GARS1: variants seen among roughly 807,000 people sequenced by gnomAD.
GARS1 encodes glycyl-tRNA synthetase 1, also known as glycine--tRNA ligase.
Under a neutral mutation model 86.4 loss-of-function variants are expected in GARS1, and 46 were observed. That is an observed-to-expected ratio of 0.53 (90% CI 0.42 to 0.68). The LOEUF is 0.68. Among genes scored for constraint, GARS1 ranks in the 30% least tolerant of loss-of-function variants. GARS1 has a pLI of 0.00. For missense variants in GARS1, 797 were observed against 915.6 expected (o/e 0.87, Z 1.67); for synonymous variants, 342 against 329.8 (o/e 1.04, Z -0.40).
intron 7 of GARS1, 71 bp from the exon 8 acceptor site, chr7:30,612,025 T>C: frequency 7.3e-7 from 1 of 1,368,864 alleles, no homozygotes. Flanking sequence ...AGGATTTGTA[T>C]CTAGAATTTC....
At chr7:30,611,422 C>T (rs1486374289) in intron 7 of GARS1, among the ~76,000 whole-genome samples, 2 of 152,150 alleles carry the variant, frequency 1.3e-5, no homozygotes, top group Non-Finnish European at 2.9e-5. Context: ...TCATCTGCCT[C>T]CATGTACATG....
Position 30,632,055 on chromosome 7 carries a change from A to C in GARS1, c.1904-192A>C. 1 of 618,522 alleles carries C rather than the reference A, an allele frequency of 1.6e-6. No individual in the cohort carries two copies. The allele number at this position is 618,522 out of a possible 1,614,324, so 38.3% of individuals were successfully genotyped here. On this transcript the variant is annotated intron_variant, in intron 15 of 16. Coordinates refer to ENST00000389266, the MANE Select transcript of GARS1 (RefSeq NM_002047.4). This position sits in a 1 kb window ranked among gnomAD's most constrained non-coding sequence, Gnocchi z 4.1. ...CCCTATAGCTGTATCAGATGGAGGT[A>C]TGAGTGAAGATTTGGATTCCCGCAA...
In GARS1 at chr7:30,631,447, G is replaced by T; in HGVS notation, c.1810-1G>T. On this transcript the variant is annotated splice_acceptor_variant, in intron 14 of 16. Transcript: ENST00000389266. LOFTEE classifies it high-confidence loss of function. ...GATTTTTTTCTTTTTAAATCATCCA[G>T]TTCTTCAGTTTCCCTGCTGTAGTTG... 1 of 1,611,276 alleles carries T rather than the reference G, an allele frequency of 6.2e-7. No homozygotes were observed. Among genetic ancestry groups the T allele is most frequent in the Non-Finnish European group, 8.5e-7 (1 of 1,177,674 alleles).
In GARS1 at chr7:30,609,613, C is replaced by A. The variant is rs765478968; in HGVS notation, c.764C>A (p.Ala255Glu). The A allele has an allele frequency of 6.2e-7, 1 of 1,613,076 alleles. No individual in the cohort carries two copies. The highest frequency in any genetic ancestry group is 8.5e-7 in the Non-Finnish European group (1 of 1,179,276). The change falls in exon 7 of 17, where the codon GCG (alanine) becomes GAG (glutamate). Residue 255 changes from alanine (A) to glutamate (E), a missense_variant. By Grantham distance (107) the Ala-to-Glu change is moderately radical. Transcript: ENST00000389266. ...QLDNYGQQEL[A>E]DLFVNYNVKS... ...GATAACTATGGACAGCAAGAACTTG[C>A]GGATCTTTTTGTGAACTATAATGTA...
Position 30,612,010 on chromosome 7 carries a change from CT to C in GARS1, c.882-82del, listed in dbSNP as rs572803280. On this transcript the variant is annotated intron_variant, in intron 7 of 16. Transcript: ENST00000389266. Reference sequence around the variant, plus strand: ...TGTTGTGAAAATGGTATATTTAGGACTTTTAGGATTTGTATCTAGAATTTCA... The same window carrying C: ...TGTTGTGAAAATGGTATATTTAGGACTTTAGGATTTGTATCTAGAATTTCA... 586 of 1,265,072 alleles carry C rather than the reference CT, an allele frequency of 4.6e-4. 3 individuals are homozygous for C. In the African/African-American group the frequency reaches 7.4e-3, roughly 16 times the overall value. The allele number at this position is 1,265,072 out of a possible 1,614,324, so 78.4% of individuals were successfully genotyped here.
rs1233829171 is a variant in GARS1 at position 30,603,128 on chromosome 7, G to C, written c.658+6G>C. Reference sequence around the variant, plus strand: ...TGCTGACCATCTATTAAAAGGTGAGGTTCTTCATCTCCTTCAGGTAGGATT... The same window carrying C: ...TGCTGACCATCTATTAAAAGGTGAGCTTCTTCATCTCCTTCAGGTAGGATT... On this transcript the variant is annotated splice_donor_region_variant and intron_variant, in intron 5 of 16. Coordinates refer to ENST00000389266, the MANE Select transcript of GARS1 (RefSeq NM_002047.4). The C allele has an allele frequency of 3.1e-6, 5 of 1,600,618 alleles. No individual in the cohort carries two copies. The highest frequency in any genetic ancestry group is 4.3e-6 in the Non-Finnish European group (5 of 1,167,890).
chr7:30,612,837 A>T (rs1782795272), intron 8 of GARS1, among the ~76,000 whole-genome samples: 1 of 152,100 alleles, frequency 6.6e-6, no homozygotes, highest in Admixed American at 6.5e-5. Flanking sequence ...CTATCCAGGG[A>T]TGTGTGGGAA....
At chr7:30,621,282 A>G in intron 10 of GARS1, 111 bp from the exon 11 acceptor site, 1 of 892,548 alleles carries the variant, frequency 1.1e-6, no homozygotes, top group South Asian at 1.4e-5. Flanking sequence ...AGATTATATC[A>G]TCGAATTATC....
rs1185263071 is a variant in GARS1, at chr7:30,622,442, G to A, written c.1593G>A (p.Glu531=). Residue 531 remains glutamate, a synonymous_variant, in exon 12 of 17, where the codon GAG becomes GAA. Transcript: ENST00000389266. The part of the protein sequence containing the change: ...ICDECYITEM[E]MLLNEKGEFT... ...ATGAGTGCTACATTACAGAAATGGA[G>A]ATGCTGCTGAATGAGAAAGGGTAAG... 1.9e-6 allele frequency: 3 copies of A among 1,614,156 alleles called. No homozygotes were observed. The South Asian group carries it at 3.3e-5, about 18-fold the overall frequency.
At position 30,600,739 on chromosome 7, in the gene GARS1, G is replaced by T. The variant is rs2709806; in HGVS notation, c.428-320G>T. ...ATTATAGATCATTGTTATCAGATGTGGTGAGAAATTATTTTGTAATTTTTA... is the reference window on the plus strand; with the variant it reads ...ATTATAGATCATTGTTATCAGATGTTGTGAGAAATTATTTTGTAATTTTTA... On this transcript the variant is annotated intron_variant, in intron 3 of 16. Transcript: ENST00000389266. Among the ~76,000 whole-genome samples the T allele has an allele frequency of 0.19, 29,503 of 152,072 alleles. 3,646 individuals are homozygous for T. The highest frequency in any genetic ancestry group is 0.35 in the African/African-American group (14,425 of 41,434).
intron 1 of GARS1, among the ~76,000 whole-genome samples, chr7:30,596,727 T>A (rs888301719): frequency 1.5e-4 from 23 of 152,238 alleles, no homozygotes; most frequent in African/African-American, 5.3e-4. Context: ...AGTTTGGATA[T>A]TTTTTTCTAA....
chr7:30,633,611 A>T (rs960262163), intron 16 of GARS1, 124 bp from the exon 17 acceptor site: 1 of 1,182,718 alleles, frequency 8.5e-7, no homozygotes, highest in Non-Finnish European at 1.2e-6. Flanking sequence ...CTAGAAGAGC[A>T]TGAACCCATG....
chr7:30,607,602 C>T (rs1197037448), intron 6 of GARS1, among the ~76,000 whole-genome samples: 2 of 152,010 alleles, frequency 1.3e-5, no homozygotes, highest in Admixed American at 6.6e-5. Flanking sequence ...ATGTAAATGA[C>T]GAGTTGATGG....
At chr7:30,598,286 C>G (rs1012402732) in intron 1 of GARS1, among the ~76,000 whole-genome samples, 3 of 151,776 alleles carry the variant, frequency 2.0e-5, no homozygotes, top group Non-Finnish European at 2.9e-5. Flanking sequence ...TGTTAACTTG[C>G]CCGTGTGTTC....
In GARS1 at chr7:30,633,837, A is replaced by G; in HGVS notation, c.2197A>G (p.Lys733Glu). 1 of 1,613,288 alleles carries G rather than the reference A, an allele frequency of 6.2e-7. No homozygotes were observed. Among genetic ancestry groups the G allele is most frequent in the Non-Finnish European group, 8.5e-7 (1 of 1,179,586 alleles). ...TCTGTTTGAAGGGCAAGAGACTGGT[A>G]AAAAAGAGACAATCGAGGAATGAGG... ...YPLFEGQETG[K>E]KETIEE Residue 733 changes from lysine (K) to glutamate (E), a missense_variant, in exon 17 of 17, where the codon AAA (lysine) becomes GAA (glutamate). Coordinates refer to ENST00000389266, the MANE Select transcript of GARS1 (RefSeq NM_002047.4).
At position 30,623,132 on chromosome 7, in the gene GARS1, A is replaced by G. The variant is rs184616291; in HGVS notation, c.1613+670A>G. Among the ~76,000 whole-genome samples the G allele has an allele frequency of 7.4e-3, 1,117 of 151,404 alleles. 15 individuals are homozygous for G. Among genetic ancestry groups the G allele is most frequent in the African/African-American group, 0.025 (1,050 of 41,340 alleles). ...AAAAAAACAAAAAAAAAAAATAGAG[A>G]AAAGCCTTTAAAGAAATACAACAAA... On this transcript the variant is annotated intron_variant, in intron 12 of 16. Coordinates refer to ENST00000389266, the MANE Select transcript of GARS1 (RefSeq NM_002047.4).
Position 30,627,045 on chromosome 7 carries a change from G to A in GARS1, c.1699+726G>A, listed in dbSNP as rs78638545. ...ATGCTTTTTTAAAAGTTAAGAAGAT[G>A]TTTTTTTGTAGAACAAATTCTGTGA... On this transcript the variant is annotated intron_variant, in intron 13 of 16. Transcript: ENST00000389266. The A allele has an allele frequency of 7.9e-3, 3,663 of 466,288 alleles. 27 individuals are homozygous for A. Among genetic ancestry groups the A allele is most frequent in the Middle Eastern group, 0.022 (67 of 3,044 alleles). 28.9% of individuals were successfully genotyped at this position (466,288 alleles called of 1,614,324 possible).
intron 12 of GARS1, 159 bp downstream of exon 12, chr7:30,622,621 G>T: frequency 1.2e-6 from 1 of 822,142 alleles, no homozygotes; most frequent in African/African-American, 1.7e-5. Context: ...TGGCATTATA[G>T]CCTGAAAAAA....
intron 6 of GARS1, among the ~76,000 whole-genome samples, chr7:30,606,025 A>G (rs1286520583): frequency 2.0e-5 from 3 of 152,084 alleles, no homozygotes; most frequent in African/African-American, 7.2e-5. Context: ...ATTTTTTTCA[A>G]GAAGCTGAGT....
Sources: gnomAD v4.1 joint callset for allele counts (sites outside exome capture counted in the v4.1 genomes callset) on GRCh38, gnomAD v4.1.1 for gene constraint, Gnocchi (gnomAD v3.1) non-coding constraint, MANE v1.5 for transcripts, NCBI Gene and HGNC (gene_info 2026-07-23, HGNC 2026-07-21) for gene names.